CSMD1: variants seen among roughly 807,000 people sequenced by gnomAD.
CSMD1 encodes CUB and Sushi multiple domains 1.
In CSMD1, 213 loss-of-function variants were observed where a neutral mutation model predicts 417.5. The observed-to-expected ratio is 0.51, with a 90% CI of 0.46 to 0.57. The LOEUF (loss-of-function observed/expected upper bound fraction) is 0.57, where lower values mean the gene tolerates loss of function less well. Ranked by LOEUF, CSMD1 falls within the 20% of genes least tolerant of loss-of-function variation. The pLI is 0.00. For synonymous variants in CSMD1, 2,862 were observed against 1,736.8 expected (o/e 1.65, Z -16.11); for missense variants, 6,923 against 4,529.7 (o/e 1.53, Z -15.17).
At chr8:4,280,692 C>T (rs78388332) in intron 3 of CSMD1, among the ~76,000 whole-genome samples, 2,771 of 152,216 alleles carry the variant, frequency 0.018, 46 homozygotes, top group Non-Finnish European at 0.028. Flanking sequence ...TCTAGATGAG[C>T]ACAGCTCTAT....
intron 11 of CSMD1, among the ~76,000 whole-genome samples, chr8:3,485,832 T>TAAAATAAAATAAAAC (rs1473532277): frequency 7.7e-6 from 1 of 129,924 alleles, no homozygotes; most frequent in Non-Finnish European, 1.7e-5. Context: ...TAAAATAAAA[T>TAAAATAAAATAAAAC]AAAACAGGAA....
At chr8:3,442,207 G>A (rs529273963) in intron 12 of CSMD1, among the ~76,000 whole-genome samples, 6 of 151,918 alleles carry the variant, frequency 3.9e-5, no homozygotes, top group Non-Finnish European at 7.4e-5. Flanking sequence ...AAATGAAAAG[G>A]TTTATAAAGT....
chr8:3,909,797 T>C (rs1808343272), intron 5 of CSMD1, among the ~76,000 whole-genome samples: 1 of 152,154 alleles, frequency 6.6e-6, no homozygotes. Flanking sequence ...TGTTTAATAA[T>C]TCTCATCACA....
At chr8:4,106,247 C>G (rs990264100) in intron 3 of CSMD1, among the ~76,000 whole-genome samples, 1 of 152,156 alleles carries the variant, frequency 6.6e-6, no homozygotes, top group South Asian at 2.1e-4. Flanking sequence ...AACTTCCGAG[C>G]AGGATAAACA....
chr8:4,803,560 A>G (rs1333530783), intron 1 of CSMD1, among the ~76,000 whole-genome samples: 1 of 152,162 alleles, frequency 6.6e-6, no homozygotes, highest in Non-Finnish European at 1.5e-5. Flanking sequence ...CAGCTGTTTT[A>G]TTTATAAAAT....
chr8:3,499,060 T>C (rs189859153), intron 10 of CSMD1, among the ~76,000 whole-genome samples: 3 of 152,336 alleles, frequency 2.0e-5, no homozygotes, highest in Non-Finnish European at 2.9e-5. Flanking sequence ...GTTTCTTGCT[T>C]TTTAGACATT....
At chr8:3,418,255 G>C (rs187899381) in intron 12 of CSMD1, among the ~76,000 whole-genome samples, 1 of 152,068 alleles carries the variant, frequency 6.6e-6, no homozygotes, top group Non-Finnish European at 1.5e-5. Flanking sequence ...CTGGAAATTC[G>C]GGCTATAAGT....
intron 50 of CSMD1, among the ~76,000 whole-genome samples, chr8:3,050,132 G>A (rs369787457): frequency 6.6e-6 from 1 of 150,868 alleles, no homozygotes; most frequent in South Asian, 2.1e-4. Flanking sequence ...CTGATGATTG[G>A]TCTCCACCTA....
intron 7 of CSMD1, among the ~76,000 whole-genome samples, chr8:3,670,274 C>T (rs886945711): frequency 6.6e-6 from 1 of 151,876 alleles, no homozygotes; most frequent in Non-Finnish European, 1.5e-5. Flanking sequence ...GCCTAGCCTC[C>T]CAGCCTACAT....
At chr8:3,852,801 C>T (rs185996134) in intron 5 of CSMD1, among the ~76,000 whole-genome samples, 4 of 152,102 alleles carry the variant, frequency 2.6e-5, no homozygotes, top group African/African-American at 7.2e-5. Flanking sequence ...CTCCTCCAAG[C>T]GCACGCTTCA....
At chr8:4,121,727 A>G (rs898387780) in intron 3 of CSMD1, among the ~76,000 whole-genome samples, 1 of 152,236 alleles carries the variant, frequency 6.6e-6, no homozygotes, top group East Asian at 1.9e-4. Flanking sequence ...TTCTAGAATT[A>G]TGGCAGCAAG....
At chr8:4,071,486 T>C (rs1799556048) in intron 3 of CSMD1, among the ~76,000 whole-genome samples, 1 of 152,186 alleles carries the variant, frequency 6.6e-6, no homozygotes, top group Non-Finnish European at 1.5e-5. Flanking sequence ...CTAACTTTTT[T>C]TCACCAAGAG....
Position 3,760,004 on chromosome 8 carries a change from C to T in CSMD1, c.819-5962G>A, listed in dbSNP as rs10110114. Reference sequence around the variant, plus strand: ...TCAGAGCGCACTGACCATTTTCTCTCCTGATGTCCAGAAACACAGGACACA... The same window carrying T: ...TCAGAGCGCACTGACCATTTTCTCTTCTGATGTCCAGAAACACAGGACACA... On this transcript the variant is annotated intron_variant, in intron 5 of 69. Transcript: ENST00000635120. Among the ~76,000 whole-genome samples, 882 of 152,098 alleles carry T rather than the reference C, an allele frequency of 5.8e-3. 7 individuals carry two copies. The highest frequency in any genetic ancestry group is 0.018 in the African/African-American group (746 of 41,502).
chr8:4,923,745 C>G (rs951379712), intron 1 of CSMD1, among the ~76,000 whole-genome samples: 1 of 152,068 alleles, frequency 6.6e-6, no homozygotes, highest in Admixed American at 6.6e-5. Context: ...ACCAAGGAAC[C>G]TTGGAAAGGT....
intron 12 of CSMD1, among the ~76,000 whole-genome samples, chr8:3,417,318 T>C (rs997951368): frequency 1.3e-5 from 2 of 152,230 alleles, no homozygotes; most frequent in African/African-American, 4.8e-5. Flanking sequence ...TCAGGAAATA[T>C]TTCTTAAAAA....
chr8:4,694,246 A>G (rs1806967476), intron 1 of CSMD1, among the ~76,000 whole-genome samples: 1 of 152,182 alleles, frequency 6.6e-6, no homozygotes, highest in South Asian at 2.1e-4. Context: ...ACTCAAAAGA[A>G]TGTAACAGCT....
intron 3 of CSMD1, among the ~76,000 whole-genome samples, chr8:4,123,224 C>T (rs1013479850): frequency 1.3e-5 from 2 of 152,194 alleles, no homozygotes; most frequent in African/African-American, 4.8e-5. Context: ...GCCAAGTTCA[C>T]AGTTAATGAC....
In CSMD1 at chr8:3,524,226, CACAT is replaced by C. The variant is rs200543617; in HGVS notation, c.1345-30504_1345-30501del. On this transcript the variant is annotated intron_variant, in intron 10 of 69. Transcript: ENST00000635120. ...ACATGCAACCCAGACAATATGCACA[CACAT>C]ACACACATACACACCCAGAGACATA... Among the ~76,000 whole-genome samples, 750 of 151,666 alleles carry C rather than the reference CACAT, an allele frequency of 4.9e-3. 5 individuals are homozygous for C. Among genetic ancestry groups the C allele is most frequent in the African/African-American group, 0.017 (715 of 41,304 alleles).
At chr8:3,895,935 G>T (rs967518523) in intron 5 of CSMD1, among the ~76,000 whole-genome samples, 1 of 152,142 alleles carries the variant, frequency 6.6e-6, no homozygotes, top group African/African-American at 2.4e-5. Flanking sequence ...CCAACCAATA[G>T]GCACTTTAGG....
Sources: allele counts gnomAD v4.1 joint callset (sites outside exome capture counted in the v4.1 genomes callset), GRCh38; gene constraint gnomAD v4.1.1; transcripts MANE v1.5; gene names NCBI Gene and HGNC (gene_info 2026-07-23, HGNC 2026-07-21).